RIF1: variants seen among roughly 807,000 people sequenced by gnomAD.
The protein encoded by RIF1 is replication timing regulatory factor 1, also known as telomere-associated protein RIF1.
A neutral mutation model predicts 247.1 loss-of-function variants in RIF1; 45 were observed. The observed-to-expected ratio is 0.18, with a 90% CI of 0.14 to 0.23. The LOEUF is 0.23. Among genes scored for constraint, RIF1 ranks in the 10% least tolerant of loss-of-function variants. The pLI, the probability that RIF1 is intolerant of heterozygous loss-of-function variation, is 1.00. For missense variants in RIF1, 2,967 were observed against 2,862.5 expected, an observed-to-expected ratio of 1.04 and a Z score of -0.83; for synonymous variants, 1,087 against 978.8, an observed-to-expected ratio of 1.11 and a Z score of -2.06.
chr2:151,462,371 A>G, intron 28 of RIF1, 41 bp from the exon 29 acceptor site: 1 of 1,463,776 alleles, frequency 6.8e-7, no homozygotes, highest in Non-Finnish European at 9.2e-7. Flanking sequence ...TTCATTTTCA[A>G]ATAATTATAA....
At chr2:151,530,392 C>G in the RIF1 span, among the ~76,000 whole-genome samples, 34 of 152,152 alleles carry the variant, frequency 2.2e-4, no homozygotes, top group Admixed American at 5.9e-4. Flanking sequence ...TCGAGGGCCT[C>G]GATCTGGGCT....
At chr2:151,484,268 T>G (rs949351621), downstream of RIF1, among the ~76,000 whole-genome samples, 1 of 152,092 alleles carries the variant, frequency 6.6e-6, no homozygotes, top group Non-Finnish European at 1.5e-5. Flanking sequence ...AAGTGTGCCT[T>G]GGCAAACCGA....
intron 11 of RIF1, among the ~76,000 whole-genome samples, 154 bp from the exon 12 acceptor site, chr2:151,436,673 G>C (rs1194507710): frequency 1.3e-5 from 2 of 151,696 alleles, no homozygotes; most frequent in East Asian, 3.9e-4. Flanking sequence ...ATTTGTTACA[G>C]AATACCTGCA....
chr2:151,496,985 G>C, intron 10 of RIF1: 1 of 1,581,472 alleles, frequency 6.3e-7, no homozygotes, highest in Non-Finnish European at 8.6e-7. Flanking sequence ...TCCATCTCAG[G>C]AGTGACAGGT....
Position 151,433,239 on chromosome 2 carries a change from A to T in RIF1, c.1077+11A>T. ...GCTAATTTTGAACAGGTAACATTAC[A>T]AGTGTTGACTATAGCACTTTATGTT... On this transcript the variant is annotated intron_variant, in intron 10 of 35. Coordinates refer to ENST00000444746, the MANE Select transcript of RIF1 (RefSeq NM_018151.5). 5.6e-6 allele frequency: 9 copies of T among 1,603,110 alleles called. No homozygotes were observed. The highest frequency in any genetic ancestry group is 7.7e-6 in the Non-Finnish European group (9 of 1,171,134).
At chr2:151,531,169 C>T in the RIF1 span, 11 of 1,065,648 alleles carry the variant, frequency 1.0e-5, no homozygotes, top group African/African-American at 1.7e-4. Flanking sequence ...AATATAAATG[C>T]AAAGTTTTTT....
chr2:151,458,068 G>T, intron 24 of RIF1, 105 bp downstream of exon 24: 2 of 744,388 alleles, frequency 2.7e-6, no homozygotes, highest in South Asian at 1.9e-5. Flanking sequence ...TGTTACAGAG[G>T]ATTCCTTAGT....
At chr2:151,411,205 G>GT (rs1686140328) in intron 2 of RIF1, 55 bp from the exon 3 acceptor site, 3 of 1,023,642 alleles carry the variant, frequency 2.9e-6, no homozygotes, top group East Asian at 2.4e-5. Context: ...ATTTTTGAGA[G>GT]TATTTTTTTT....
At chr2:151,446,279 G>A (rs1332274639) in intron 19 of RIF1, 147 bp from the exon 20 acceptor site, 11 of 747,128 alleles carry the variant, frequency 1.5e-5, no homozygotes, top group Non-Finnish European at 2.4e-5. Flanking sequence ...GGTTACAGGC[G>A]TGAGCCACTG....
intron 11 of RIF1, among the ~76,000 whole-genome samples, chr2:151,501,096 G>C (rs935729009): frequency 1.3e-5 from 2 of 152,072 alleles, no homozygotes; most frequent in African/African-American, 4.8e-5. Flanking sequence ...AAGTAAATAA[G>C]AGCTTTAGTG....
At chr2:151,506,474 A>G (rs1480687253) in intron 13 of RIF1, 2 of 514,680 alleles carry the variant, frequency 3.9e-6, no homozygotes, top group East Asian at 6.2e-5. Flanking sequence ...GATTTCTTCT[A>G]AGATTGTGGT....
rs761686456 is a variant in RIF1, at chr2:151,416,897, G to C, written c.499G>C (p.Val167Leu). The change falls in exon 6 of 36, where the codon GTA becomes CTA. Residue 167 changes from valine (V) to leucine (L), a missense_variant. Val to Leu is a conservative substitution (Grantham distance 32, BLOSUM62 1). Coordinates refer to ENST00000444746, the MANE Select transcript of RIF1 (RefSeq NM_018151.5). Reference protein sequence around the residue: ...VVDFEALNVIVRLIEQAPIQM... With the variant: ...VVDFEALNVILRLIEQAPIQM... The stretch of plus-strand genomic sequence containing the variant: ...TGATTTTGAAGCATTAAATGTTATC[G>C]TAAGGTATGCATTTGGATGTTGTGC... The C allele has an allele frequency of 2.5e-6, 4 of 1,604,748 alleles. No individual in the cohort carries two copies. In the South Asian group the frequency reaches 4.4e-5, roughly 18 times the overall value.
chr2:151,450,554 A>G (rs1694121058), intron 20 of RIF1, among the ~76,000 whole-genome samples: 1 of 151,652 alleles, frequency 6.6e-6, no homozygotes, highest in South Asian at 2.1e-4. Context: ...ATTTGTGTCA[A>G]ATGTGTCTTT....
chr2:151,433,825 G>T (rs912623738), intron 10 of RIF1, among the ~76,000 whole-genome samples: 1 of 151,946 alleles, frequency 6.6e-6, no homozygotes, highest in Non-Finnish European at 1.5e-5. Context: ...TAAACAAAGG[G>T]TTTTTTCCCC....
chr2:151,465,768 A>C lies in RIF1; in HGVS notation c.6248A>C (p.Asn2083Thr). 1 of 1,613,660 alleles carries C rather than the reference A, an allele frequency of 6.2e-7. No individual in the cohort carries two copies. The highest frequency in any genetic ancestry group is 1.1e-5 in the South Asian group (1 of 91,052). Residue 2083 changes from asparagine to threonine, a missense_variant, in exon 30 of 36, where the codon AAT becomes ACT. Asn to Thr is a moderately conservative substitution (Grantham distance 65, BLOSUM62 0). Coordinates refer to ENST00000444746, the MANE Select transcript of RIF1 (RefSeq NM_018151.5). The part of the protein sequence containing the change: ...MSTEEGIIDA[N>T]KTETNTEYSK... ...ACTGAAGAAGGAATCATTGACGCTA[A>C]TAAAACTGAAACAAATACTGAGTAT... is the stretch of plus-strand genomic sequence containing the variant.
At chr2:151,502,145 C>T (rs754203319) in intron 11 of RIF1, among the ~76,000 whole-genome samples, 4 of 152,098 alleles carry the variant, frequency 2.6e-5, no homozygotes, top group Non-Finnish European at 4.4e-5. Context: ...TGTATGTTCT[C>T]ACTGATATGT....
intron 9 of RIF1, among the ~76,000 whole-genome samples, chr2:151,431,461 T>C (rs759001178): frequency 3.3e-5 from 5 of 152,244 alleles, no homozygotes; most frequent in African/African-American, 4.8e-5. Context: ...GCAATTAATC[T>C]CTGCTACTGT....
intron 9 of RIF1, chr2:151,493,081 T>C (rs906101489): frequency 2.2e-5 from 8 of 368,334 alleles, no homozygotes; most frequent in Admixed American, 4.4e-5. Context: ...TACCTCAAAG[T>C]ATAGGGGAAG....
chr2:151,445,556 CT>C (rs978305023), intron 19 of RIF1, 111 bp downstream of exon 19: 2,840 of 568,332 alleles, frequency 5.0e-3, no homozygotes, highest in Middle Eastern at 6.8e-3. Context: ...TTCTTTTTCT[CT>C]TTTTTTTTTG....
Sources: gnomAD v4.1 joint callset for allele counts (sites outside exome capture counted in the v4.1 genomes callset) on GRCh38, gnomAD v4.1.1 for gene constraint, MANE v1.5 for transcripts, NCBI Gene and HGNC (gene_info 2026-07-23, HGNC 2026-07-21) for gene names.